COL3A1: variants seen among roughly 807,000 people sequenced by gnomAD.
COL3A1 encodes collagen type III alpha 1 chain.
A neutral mutation model predicts 200.9 loss-of-function variants in COL3A1; 46 were observed. The observed-to-expected ratio is 0.23, with a 90% CI of 0.18 to 0.29. The LOEUF is 0.29. Among genes scored for constraint, COL3A1 ranks in the 10% least tolerant of loss-of-function variants. COL3A1 has a pLI of 1.00. For missense variants in COL3A1, 1,367 were observed against 1,917.6 expected, an observed-to-expected ratio of 0.71 and a Z score of 5.36; for synonymous variants, 650 against 628.0, an observed-to-expected ratio of 1.03 and a Z score of -0.52.
chr2:188,989,980 T>G, intron 8 of COL3A1, 116 bp from the exon 9 acceptor site: 1 of 924,346 alleles, frequency 1.1e-6, no homozygotes, highest in Non-Finnish European at 1.8e-6. Flanking sequence ...ATACATTTTG[T>G]GGAACCATTT....
intron 1 of COL3A1, among the ~76,000 whole-genome samples, 179 bp downstream of exon 1, chr2:188,974,747 G>A (rs1423388425): frequency 6.6e-6 from 1 of 152,086 alleles, no homozygotes; most frequent in African/African-American, 2.4e-5. Context: ...AAAAATAATC[G>A]CGTTATGTGT....
In COL3A1 at chr2:189,003,743, G is replaced by A; in HGVS notation, c.2617G>A (p.Gly873Ser). ...RGSPGGPGAAGFPGARGLPGP... is the reference protein window; with the variant it reads ...RGSPGGPGAASFPGARGLPGP... ...TATTACCATTTCACAGGGTGCTGCTGGCTTCCCTGGTGCTCGTGGTCTTCC... is the reference window on the plus strand; with the variant it reads ...TATTACCATTTCACAGGGTGCTGCTAGCTTCCCTGGTGCTCGTGGTCTTCC... Residue 873 changes from glycine (G) to serine (S), a missense_variant, in exon 38 of 51, where the codon GGC becomes AGC. Physicochemically the swap from Gly to Ser is moderately conservative, Grantham distance 56 (BLOSUM62 0). Coordinates refer to ENST00000304636, the MANE Select transcript of COL3A1 (RefSeq NM_000090.4). The A allele has an allele frequency of 6.2e-7, 1 of 1,613,826 alleles. No individual in the cohort carries two copies. The highest frequency in any genetic ancestry group is 2.2e-5 in the East Asian group (1 of 44,826).
At chr2:189,007,096 A>AAAATAT (rs1688603398) in intron 44 of COL3A1, 106 bp downstream of exon 44, 1 of 223,840 alleles carries the variant, frequency 4.5e-6, no homozygotes, top group Non-Finnish European at 8.3e-6. Context: ...AAAAAGAATG[A>AAAATAT]ATATATATAT....
At chr2:188,982,620 G>A (rs866694793) in intron 1 of COL3A1, among the ~76,000 whole-genome samples, 14 of 151,856 alleles carry the variant, frequency 9.2e-5, no homozygotes, top group South Asian at 6.2e-4. Context: ...GAAAAGATAT[G>A]CCTGATCCAG....
At chr2:188,997,637 T>C (rs1434268882) in intron 26 of COL3A1, 63 bp from the exon 27 acceptor site, 7 of 1,523,090 alleles carry the variant, frequency 4.6e-6, no homozygotes, top group African/African-American at 1.4e-5. Flanking sequence ...CCTGTTGAAA[T>C]GGATACTGTA....
chr2:188,984,773 A>G lies in COL3A1; in HGVS notation c.93A>G (p.Gly31=). 1 of 1,612,994 alleles carries G rather than the reference A, an allele frequency of 6.2e-7. No homozygotes were observed. The highest frequency in any genetic ancestry group is 8.5e-7 in the Non-Finnish European group (1 of 1,179,246). ...CTTGTTTTTCAGCTGTTGAAGGAGGATGTTCCCATCTTGGTCAGTCCTATG... is the reference window on the plus strand; with the variant it reads ...CTTGTTTTTCAGCTGTTGAAGGAGGGTGTTCCCATCTTGGTCAGTCCTATG... ...ILAQQEAVEG[G]CSHLGQSYAD... The change falls in exon 2 of 51, where the codon GGA becomes GGG. Residue 31 remains glycine (G), a synonymous_variant. Transcript: ENST00000304636.
chr2:188,986,483 C>G (rs943488314), intron 4 of COL3A1, among the ~76,000 whole-genome samples: 1 of 151,856 alleles, frequency 6.6e-6, no homozygotes, highest in Non-Finnish European at 1.5e-5. Context: ...AACTCTAGAC[C>G]TGGAACTTAG....
chr2:188,980,729 C>T (rs1687935106), intron 1 of COL3A1, among the ~76,000 whole-genome samples: 1 of 150,804 alleles, frequency 6.6e-6, no homozygotes, highest in African/African-American at 2.4e-5. Context: ...TTTTAAGATA[C>T]TCTGATAAAT....
In COL3A1 at chr2:189,008,161, G is replaced by A. The variant is rs781061046; in HGVS notation, c.3525+19G>A. ...ATCTGAGGTAAGACATCACTTATACGTATGTGTATTTAATTTGCTACAATC... is the reference window on the plus strand; with the variant it reads ...ATCTGAGGTAAGACATCACTTATACATATGTGTATTTAATTTGCTACAATC... On this transcript the variant is annotated intron_variant, in intron 47 of 50. Coordinates refer to ENST00000304636, the MANE Select transcript of COL3A1 (RefSeq NM_000090.4). 44 of 1,533,774 alleles carry A rather than the reference G, an allele frequency of 2.9e-5. No homozygotes were observed. The highest frequency in any genetic ancestry group is 5.4e-5 in the African/African-American group (4 of 73,872).
At position 189,002,936 on chromosome 2, in the gene COL3A1, CTGT is replaced by C. The variant is rs527506214; in HGVS notation, c.2446-10_2446-8del. 16 of 1,495,550 alleles carry C rather than the reference CTGT, an allele frequency of 1.1e-5. No individual in the cohort carries two copies. The highest frequency in any genetic ancestry group is 1.5e-5 in the Non-Finnish European group (16 of 1,096,088). 92.6% of individuals were successfully genotyped at this position (1,495,550 alleles called of 1,614,324 possible). A position where few individuals can be genotyped will look rare whatever the true frequency, so the allele number is the denominator to read the frequency against. On this transcript the variant is annotated splice_polypyrimidine_tract_variant and intron_variant, in intron 35 of 50. Coordinates refer to ENST00000304636, the MANE Select transcript of COL3A1 (RefSeq NM_000090.4). ...ATAAAGAGTGTCAGCTGAGAGATTG[CTGT>C]TGTTGTTGCATGTAGGGACAGAATG...
chr2:188,996,227 T>G, intron 23 of COL3A1, 49 bp downstream of exon 23: 1 of 1,521,474 alleles, frequency 6.6e-7, no homozygotes. Flanking sequence ...TAAAATGGAA[T>G]GTATATGTTG....
intron 8 of COL3A1, among the ~76,000 whole-genome samples, chr2:188,989,841 A>G (rs532273881): frequency 6.6e-6 from 1 of 152,204 alleles, no homozygotes; most frequent in Admixed American, 6.5e-5. Context: ...TTAATCTCCA[A>G]TGGCAAATTC....
At chr2:188,975,519 T>G (rs1156519599) in intron 1 of COL3A1, among the ~76,000 whole-genome samples, 1 of 152,202 alleles carries the variant, frequency 6.6e-6, no homozygotes, top group African/African-American at 2.4e-5. Context: ...AAGTGCTAAA[T>G]GTAAAGATAG....
At position 188,997,758 on chromosome 2, in the gene COL3A1, G is replaced by C; in HGVS notation, c.1923+5G>C. ...CCTGGTCCACAAGGATTACAAGTAA[G>C]AACTTGTTATTTAAATGTCACGGCA... On this transcript the variant is annotated splice_donor_5th_base_variant and intron_variant, in intron 27 of 50. Transcript: ENST00000304636. 6.2e-7 allele frequency: 1 copy of C among 1,613,196 alleles called. No individual in the cohort carries two copies. Among genetic ancestry groups the C allele is most frequent in the African/African-American group, 1.3e-5 (1 of 75,014 alleles).
intron 43 of COL3A1, among the ~76,000 whole-genome samples, 162 bp downstream of exon 43, chr2:189,006,614 C>G (rs1688590814): frequency 6.6e-6 from 1 of 152,164 alleles, no homozygotes; most frequent in African/African-American, 2.4e-5. Flanking sequence ...GTGAATAAGT[C>G]AATACCAGAA....
At chr2:189,003,644 A>C in intron 37 of COL3A1, 90 bp from the exon 38 acceptor site, 1 of 1,450,966 alleles carries the variant, frequency 6.9e-7, no homozygotes, top group Non-Finnish European at 9.7e-7. Context: ...TTCAGGTACA[A>C]TGCAGATCAT....
chr2:188,989,606 T>C (rs1487035876), intron 8 of COL3A1, among the ~76,000 whole-genome samples, 157 bp downstream of exon 8: 1 of 152,190 alleles, frequency 6.6e-6, no homozygotes, highest in Non-Finnish European at 1.5e-5. Context: ...TTTGAGTAGC[T>C]ATACAGTATT....
chr2:189,006,875 A>G (rs1188786215), intron 43 of COL3A1, 62 bp from the exon 44 acceptor site: 1 of 1,538,988 alleles, frequency 6.5e-7, no homozygotes, highest in Non-Finnish European at 9.0e-7. Context: ...TGAAAACGAA[A>G]TTGTGTCAAC....
rs1296283714 is a variant in COL3A1 at position 188,986,277 on chromosome 2, G to A, written c.447+499G>A. Among the ~76,000 whole-genome samples the A allele has an allele frequency of 3.9e-5, 6 of 151,954 alleles. No individual in the cohort carries two copies. In the South Asian group the frequency reaches 1.0e-3, roughly 26 times the overall value. The stretch of plus-strand genomic sequence containing the variant: ...CACACCTTGCTTCTCCTGAAGCATG[G>A]CAGCCAAATAAATCTGCAGGTAAAA... On this transcript the variant is annotated intron_variant, in intron 4 of 50. Transcript: ENST00000304636.
Sources: allele counts gnomAD v4.1 joint callset (sites outside exome capture counted in the v4.1 genomes callset), GRCh38; gene constraint gnomAD v4.1.1; transcripts MANE v1.5; gene names NCBI Gene and HGNC (gene_info 2026-07-23, HGNC 2026-07-21).